TTN: variants seen among roughly 807,000 people sequenced by gnomAD.
TTN encodes connectin.
TTN carries 1,525 observed loss-of-function variants against 3,223.0 expected under a neutral mutation model. The ratio of observed to expected loss-of-function variants is 0.47; its 90% CI spans 0.45 to 0.49. TTN has a LOEUF of 0.49. TTN is among the 20% of genes least tolerant of loss of function. The probability of loss-of-function intolerance (pLI) is 0.00; values close to 1 mark genes in which losing one functional copy is unlikely to be tolerated. For synonymous variants in TTN, 14,094 were observed against 15,161.0 expected, an observed-to-expected ratio of 0.93 and a Z score of 5.17; for missense variants, 40,786 against 43,424.0, an observed-to-expected ratio of 0.94 and a Z score of 5.40.
At position 178,574,036 on chromosome 2, in the gene TTN, A is replaced by G. The variant is rs1206169910; in HGVS notation, c.72096T>C (p.Asp24032=). The G allele has an allele frequency of 3.1e-6, 5 of 1,613,398 alleles. No individual in the cohort carries two copies. Among genetic ancestry groups the G allele is most frequent in the Non-Finnish European group, 3.4e-6 (4 of 1,179,580 alleles). The change falls in exon 326 of 363, where the codon GAT becomes GAC. Residue 24032 remains aspartate, a synonymous_variant. Transcript: ENST00000589042. ...DDVEAPKIKV[D]VKFKDTVILK... ...ATATAACCGTGTCCTTAAATTTAAC[A>G]TCCACCTTTATCTTTGGTGCCTCAA...
At position 178,745,532 on chromosome 2, in the gene TTN, T is replaced by C. The variant is rs2083328291; in HGVS notation, c.11312-3611A>G. The C allele has an allele frequency of 4.4e-6, 7 of 1,604,246 alleles. No individual in the cohort carries two copies. The Admixed American group carries it at 1.0e-4, about 23-fold the overall frequency. ...TTAGATCCACATAATTTGGAAAATA[T>C]GAAAGCACTCAGATCAATGCTAATA... On this transcript the variant is annotated intron_variant, in intron 47 of 362. Coordinates refer to ENST00000589042, the MANE Select transcript of TTN (RefSeq NM_001267550.2).
chr2:178,534,094 A>G lies in TTN; in HGVS notation c.102521T>C (p.Val34174Ala). ...TTTCTCACTGTTCTCCAGCTGTCGGACGCCAAAGTACCAAGTCACTTGGGT... is the reference window on the plus strand; with the variant it reads ...TTTCTCACTGTTCTCCAGCTGTCGGGCGCCAAAGTACCAAGTCACTTGGGT... Reference protein sequence around the residue: ...QSTQVTWYFGVRQLENSEKYE... With the variant: ...QSTQVTWYFGARQLENSEKYE... Residue 34174 changes from valine (V) to alanine (A), a missense_variant, in exon 358 of 363, where the codon GTC becomes GCC. Physicochemically the swap from Val to Ala is moderately conservative, Grantham distance 64. Coordinates refer to ENST00000589042, the MANE Select transcript of TTN (RefSeq NM_001267550.2). 6.2e-7 allele frequency: 1 copy of G among 1,613,960 alleles called. No homozygotes were observed. The highest frequency in any genetic ancestry group is 8.5e-7 in the Non-Finnish European group (1 of 1,179,850).
At chr2:178,763,883 C>T (rs2089834268) in intron 43 of TTN, among the ~76,000 whole-genome samples, 1 of 151,936 alleles carries the variant, frequency 6.6e-6, no homozygotes, top group Admixed American at 6.6e-5. Flanking sequence ...TAAAGTGCAG[C>T]TACAATCATA....
chr2:178,588,942 A>G lies in TTN; in HGVS notation c.62783T>C (p.Leu20928Pro). 1.2e-6 allele frequency: 2 copies of G among 1,612,778 alleles called. No individual in the cohort carries two copies. Among genetic ancestry groups the G allele is most frequent in the East Asian group, 2.2e-5 (1 of 44,588 alleles). Residue 20928 changes from leucine (L) to proline (P), a missense_variant, in exon 304 of 363, where the codon CTC becomes CCC. By Grantham distance (98) the Leu-to-Pro change is moderately conservative (BLOSUM62 -3). Transcript: ENST00000589042. ...GAAAATATATTCATTTCCTTCTATG[A>G]GACGTGTTACTGTAGTACCAGGTGT... ...VLTPGTTVTR[L>P]IEGNEYIFRV...
rs1239208405 is a variant in TTN, at chr2:178,749,540, T to C, written c.11311+3584A>G. On this transcript the variant is annotated intron_variant, in intron 47 of 362. Transcript: ENST00000589042. ...AGTAAAGGGACCAGCTGGATAATCA[T>C]AAAAATGTGCCCTTACAGATTCTCC... is the stretch of plus-strand genomic sequence containing the variant. 28 of 1,612,834 alleles carry C rather than the reference T, an allele frequency of 1.7e-5. No individual in the cohort carries two copies. The East Asian group carries it at 3.6e-4, about 21-fold the overall frequency.
Position 178,756,651 on chromosome 2 carries a change from C to T in TTN, c.10825G>A (p.Glu3609Lys), listed in dbSNP as rs1016683077. ...GATACACTTTCAAAAACCTGCACTT[C>T]ATATTCATATGATGATCCTTGAAAT... Reference protein sequence around the residue: ...KSFQGSSYEYEVQVFESVSQS... With the variant: ...KSFQGSSYEYKVQVFESVSQS... The change falls in exon 46 of 363, where the codon GAA (glutamate) becomes AAA (lysine). Residue 3609 changes from glutamate to lysine, a missense_variant. By Grantham distance (56) the Glu-to-Lys change is moderately conservative (BLOSUM62 1). Coordinates refer to ENST00000589042, the MANE Select transcript of TTN (RefSeq NM_001267550.2). 8.7e-6 allele frequency: 14 copies of T among 1,613,694 alleles called. No homozygotes were observed. Among genetic ancestry groups the T allele is most frequent in the African/African-American group, 2.7e-5 (2 of 74,916 alleles).
Position 178,531,013 on chromosome 2 carries a change from A to G in TTN, c.105602T>C (p.Val35201Ala). Residue 35201 changes from valine to alanine, a missense_variant, in exon 358 of 363, where the codon GTG becomes GCG. Physicochemically the swap from Val to Ala is moderately conservative, Grantham distance 64. Transcript: ENST00000589042. Reference sequence around the variant, plus strand: ...TTTCCCTTCACTGTTTTCTACCACCACGCTGTAATTGCCCTCATCGGAAGC... The same window carrying G: ...TTTCCCTTCACTGTTTTCTACCACCGCGCTGTAATTGCCCTCATCGGAAGC... ...VQASDEGNYS[V>A]VVENSEGKQE... 1 of 1,613,774 alleles carries G rather than the reference A, an allele frequency of 6.2e-7. No individual in the cohort carries two copies. Among genetic ancestry groups the G allele is most frequent in the Middle Eastern group, 1.7e-4 (1 of 6,060 alleles).
In TTN at chr2:178,592,101, T is replaced by C. The variant is rs377276874; in HGVS notation, c.59803A>G (p.Ser19935Gly). Residue 19935 changes from serine (S) to glycine (G), a missense_variant, in exon 302 of 363, where the codon AGT becomes GGT. Ser to Gly is a moderately conservative substitution (Grantham distance 56). Transcript: ENST00000589042. ...SPLSATSKKK[S>G]HFAKHLNEGN... ...TCATTCAGATGCTTAGCGAAGTGAC[T>C]CTTTTTCTTTGATGTAGCTGAGAGA... 2 of 1,612,904 alleles carry C rather than the reference T, an allele frequency of 1.2e-6. No individual in the cohort carries two copies. The highest frequency in any genetic ancestry group is 1.7e-6 in the Non-Finnish European group (2 of 1,179,522).
At position 178,572,511 on chromosome 2, in the gene TTN, C is replaced by T. The variant is rs868185177; in HGVS notation, c.73621G>A (p.Asp24541Asn). ...VTKTSVTLTW[D>N]PPLLDGGSKI... is the part of the protein sequence containing the mutation. ...GAACCTCCATCAAGGAGAGGTGGGT[C>T]CCATGTGAGTGTGACAGATGTCTTA... The change falls in exon 326 of 363, where the codon GAC becomes AAC. Residue 24541 changes from aspartate (D) to asparagine (N), a missense_variant. By Grantham distance (23) the Asp-to-Asn change is conservative. Transcript: ENST00000589042. 2 of 1,613,356 alleles carry T rather than the reference C, an allele frequency of 1.2e-6. No homozygotes were observed. The highest frequency in any genetic ancestry group is 8.5e-7 in the Non-Finnish European group (1 of 1,179,596).
chr2:178,750,428 A>G (rs1256204923), intron 47 of TTN: 1 of 1,612,478 alleles, frequency 6.2e-7, no homozygotes, highest in Non-Finnish European at 8.5e-7. Context: ...CGAATGAATG[A>G]TAAAGTTTTG....
intron 33 of TTN, among the ~76,000 whole-genome samples, chr2:178,771,687 A>G (rs1048959756): frequency 3.9e-5 from 6 of 152,196 alleles, no homozygotes; most frequent in African/African-American, 1.4e-4. Flanking sequence ...GGAATCAGAA[A>G]AGTTTTGTGA....
chr2:178,780,342 G>A, intron 21 of TTN, 137 bp from the exon 22 acceptor site: 2 of 722,232 alleles, frequency 2.8e-6, no homozygotes, highest in Non-Finnish European at 4.7e-6. Flanking sequence ...CTATTGAAGT[G>A]CTCAATATTT....
In TTN at chr2:178,756,224, C is replaced by T. The variant is rs7585334; in HGVS notation, c.11252G>A (p.Gly3751Asp). The change falls in exon 46 of 363, where the codon GGT becomes GAT. Residue 3751 changes from glycine to aspartate, a missense_variant and splice_region_variant. Coordinates refer to ENST00000589042, the MANE Select transcript of TTN (RefSeq NM_001267550.2). The stretch of plus-strand genomic sequence containing the variant: ...GTCATAGCTAAAAATCAATTAACCA[C>T]CTTCTACACTTAGTACTGCTGACGT... ...RTTSAVLSVE[G>D]APESILHERI... 0.9 allele frequency: 1,435,521 copies of T among 1,594,874 alleles called. 650,799 individuals are homozygous for T. The highest frequency in any genetic ancestry group is 0.93 in the Non-Finnish European group (1,086,489 of 1,166,610).
rs1350328102 is a variant in TTN at position 178,722,736 on chromosome 2, T to C, written c.22163A>G (p.Asn7388Ser). The change falls in exon 76 of 363, where the codon AAT becomes AGT. Residue 7388 changes from asparagine (N) to serine (S), a missense_variant. Physicochemically the swap from Asn to Ser is conservative, Grantham distance 46. Coordinates refer to ENST00000589042, the MANE Select transcript of TTN (RefSeq NM_001267550.2). Reference sequence around the variant, plus strand: ...TTTGCATGTGTACTCTCCACTGTCATTGATGTTCACTTTATTAAAAACAAG... The same window carrying C: ...TTTGCATGTGTACTCTCCACTGTCACTGATGTTCACTTTATTAAAAACAAG... ...ATLVFNKVNINDSGEYTCKAE... is the reference protein window; with the variant it reads ...ATLVFNKVNISDSGEYTCKAE... 1.2e-5 allele frequency: 20 copies of C among 1,613,252 alleles called. No individual in the cohort carries two copies. The highest frequency in any genetic ancestry group is 2.7e-5 in the African/African-American group (2 of 75,024).
At chr2:178,747,637 T>A in intron 47 of TTN, 1 of 1,613,314 alleles carries the variant, frequency 6.2e-7, no homozygotes, top group Non-Finnish European at 8.5e-7. Flanking sequence ...CTCTGGTGTC[T>A]TTAGTTTCAG....
chr2:178,546,835 C>T lies in TTN; in HGVS notation c.94593G>A (p.Ala31531=), dbSNP rs373301015. 4.8e-5 allele frequency: 78 copies of T among 1,608,302 alleles called. No homozygotes were observed. The highest frequency in any genetic ancestry group is 4.3e-4 in the East Asian group (19 of 44,666). Residue 31531 remains alanine (A), a synonymous_variant, in exon 341 of 363, where the codon GCG becomes GCA. Coordinates refer to ENST00000589042, the MANE Select transcript of TTN (RefSeq NM_001267550.2). ...CCACAACCTTGCTGCCTCCATCATA[C>T]GCTGGGGCAGACCAAATCAGTGATA... ...STVSLIWSAP[A]YDGGSKVVGY... is the part of the protein sequence containing the mutation.
At chr2:178,700,365 C>CGTAG (rs1288181909) in intron 111 of TTN, among the ~76,000 whole-genome samples, 1 of 152,196 alleles carries the variant, frequency 6.6e-6, no homozygotes, top group Admixed American at 6.5e-5. Context: ...TAAGGGCCTA[C>CGTAG]CATTTCCACC....
chr2:178,723,199 T>C lies in TTN; in HGVS notation c.21808A>G (p.Ile7270Val), dbSNP rs774554379. 1 of 1,613,524 alleles carries C rather than the reference T, an allele frequency of 6.2e-7. No individual in the cohort carries two copies. The change falls in exon 75 of 363, where the codon ATA becomes GTA. Residue 7270 changes from isoleucine (I) to valine (V), a missense_variant. By Grantham distance (29) the Ile-to-Val change is conservative. Coordinates refer to ENST00000589042, the MANE Select transcript of TTN (RefSeq NM_001267550.2). ...ATGTTACATTTTTCAGAGGTAGTTA[T>C]GTTAAAACCATCCTTTTTCCAAGTG... ...SVTWKKDGFN[I>V]TTSEKCNIVT...
At chr2:178,692,232 G>A (rs2154280202) in intron 120 of TTN, 133 bp from the exon 121 acceptor site, 1 of 921,514 alleles carries the variant, frequency 1.1e-6, no homozygotes, top group Middle Eastern at 3.1e-4. Context: ...CCTACTTGTG[G>A]TAGAAATGAA....
Sources: gnomAD v4.1 joint callset for allele counts (sites outside exome capture counted in the v4.1 genomes callset) on GRCh38, gnomAD v4.1.1 for gene constraint, MANE v1.5 for transcripts, NCBI Gene and HGNC (gene_info 2026-07-23, HGNC 2026-07-21) for gene names.